GNAT3: variants seen among roughly 807,000 people sequenced by gnomAD.
GNAT3 encodes the protein G protein subunit alpha transducin 3, also known as guanine nucleotide-binding protein G(t) subunit alpha-3.
In GNAT3, 31 loss-of-function variants were observed where a neutral mutation model predicts 37.7. The observed-to-expected ratio is 0.82, with a 90% CI of 0.62 to 1.11. The LOEUF is 1.11. GNAT3 is among the 50% of genes most tolerant of loss of function. The probability of loss-of-function intolerance (pLI) is 0.00; values close to 1 mark genes in which losing one functional copy is unlikely to be tolerated. For missense variants in GNAT3, 437 were observed against 412.5 expected, an observed-to-expected ratio of 1.06 and a Z score of -0.51; for synonymous variants, 138 against 139.8, an observed-to-expected ratio of 0.99 and a Z score of 0.09.
At chr7:80,465,540 G>A (rs928285634) in intron 5 of GNAT3, among the ~76,000 whole-genome samples, 6 of 152,200 alleles carry the variant, frequency 3.9e-5, no homozygotes, top group East Asian at 1.9e-4. Context: ...CTGGCACCAC[G>A]ATAGGTTCGA....
At chr7:80,484,833 C>T (rs1374463681) in intron 3 of GNAT3, among the ~76,000 whole-genome samples, 1 of 151,970 alleles carries the variant, frequency 6.6e-6, no homozygotes, top group East Asian at 1.9e-4. Flanking sequence ...ACTACATATC[C>T]CATCTCTCTC....
chr7:80,494,456 G>T, intron 2 of GNAT3, 149 bp downstream of exon 2: 1 of 535,888 alleles, frequency 1.9e-6, no homozygotes, highest in Non-Finnish European at 3.4e-6. Flanking sequence ...AAGGATACAA[G>T]GTATATTTGC....
At chr7:80,500,152 C>G (rs151239351) in intron 1 of GNAT3, among the ~76,000 whole-genome samples, 1 of 151,874 alleles carries the variant, frequency 6.6e-6, no homozygotes, top group Non-Finnish European at 1.5e-5. Context: ...CATTCTGCCA[C>G]CTAGACCTGC....
At chr7:80,484,550 C>T (rs923331219) in intron 3 of GNAT3, among the ~76,000 whole-genome samples, 2 of 151,952 alleles carry the variant, frequency 1.3e-5, no homozygotes, top group East Asian at 3.9e-4. Context: ...AAAAGTGTTA[C>T]AATTTTCAGC....
intron 3 of GNAT3, among the ~76,000 whole-genome samples, chr7:80,484,343 G>C (rs368573380): frequency 1.3e-3 from 193 of 152,122 alleles, no homozygotes; most frequent in South Asian, 8.9e-3. Flanking sequence ...GTGGCTACTC[G>C]GTTTTCAGAA....
intron 2 of GNAT3, among the ~76,000 whole-genome samples, chr7:80,493,253 T>A (rs1790628545): frequency 6.6e-6 from 1 of 152,092 alleles, no homozygotes; most frequent in South Asian, 2.1e-4. Flanking sequence ...AGCAGGCAGA[T>A]ACTGTGGAAA....
At chr7:80,504,009 A>G (rs1014446334) in intron 1 of GNAT3, among the ~76,000 whole-genome samples, 1 of 152,212 alleles carries the variant, frequency 6.6e-6, no homozygotes, top group Non-Finnish European at 1.5e-5. Context: ...AGGACTGTTT[A>G]GTTCAGACTT....
At chr7:80,504,189 G>A (rs1212032115) in intron 1 of GNAT3, among the ~76,000 whole-genome samples, 1 of 152,046 alleles carries the variant, frequency 6.6e-6, no homozygotes, top group Non-Finnish European at 1.5e-5. Flanking sequence ...GGTGGCACAC[G>A]CCTGTAGTCC....
At chr7:80,459,344 CG>C (rs1790010622) in intron 7 of GNAT3, among the ~76,000 whole-genome samples, 1 of 151,930 alleles carries the variant, frequency 6.6e-6, no homozygotes, top group African/African-American at 2.4e-5. Context: ...AGGGTAGGGT[CG>C]GGAAACAGAC....
chr7:80,489,651 T>C (rs891296169), intron 2 of GNAT3, among the ~76,000 whole-genome samples: 3 of 152,148 alleles, frequency 2.0e-5, no homozygotes, highest in Admixed American at 6.6e-5. Flanking sequence ...TTTTTTATAT[T>C]TGATTACAAA....
Position 80,474,369 on chromosome 7 carries a change from C to A in GNAT3, c.472G>T (p.Asp158Tyr), listed in dbSNP as rs1339711029. ...CCAGATGCTGTTATTCTATCTAAAT[C>A]ATTAAGGTAGCTAATAAAGACAAAA... The part of the protein sequence containing the change: ...LNDSAAYYLN[D>Y]LDRITASGYV... The change falls in exon 5 of 8, where the codon GAT becomes TAT. Residue 158 changes from aspartate to tyrosine, a missense_variant. By Grantham distance (160) the Asp-to-Tyr change is radical. Transcript: ENST00000398291. 6.5e-7 allele frequency: 1 copy of A among 1,530,320 alleles called. No individual in the cohort carries two copies. The highest frequency in any genetic ancestry group is 2.0e-5 in the Admixed American group (1 of 49,894). The allele number at this position is 1,530,320 out of a possible 1,614,324, so 94.8% of individuals were successfully genotyped here. A position where few individuals can be genotyped will look rare whatever the true frequency, so the allele number is the denominator to read the frequency against.
chr7:80,484,620 A>G (rs1790445966), intron 3 of GNAT3, among the ~76,000 whole-genome samples: 1 of 152,110 alleles, frequency 6.6e-6, no homozygotes, highest in South Asian at 2.1e-4. Context: ...AATAATATTC[A>G]AAAGGATAAG....
At chr7:80,469,460 A>G (rs1380085992) in intron 5 of GNAT3, among the ~76,000 whole-genome samples, 1 of 152,152 alleles carries the variant, frequency 6.6e-6, no homozygotes, top group South Asian at 2.1e-4. Context: ...TTCCACTTAC[A>G]TAGTACATTA....
intron 1 of GNAT3, among the ~76,000 whole-genome samples, chr7:80,497,609 T>C (rs550183447): frequency 2.2e-4 from 26 of 116,356 alleles, no homozygotes; most frequent in Admixed American, 4.7e-4. Flanking sequence ...TACATATACG[T>C]ATATACATAT....
intron 3 of GNAT3, among the ~76,000 whole-genome samples, chr7:80,485,170 G>T (rs372878546): frequency 2.7e-5 from 4 of 146,578 alleles, no homozygotes; most frequent in African/African-American, 7.5e-5. Context: ...AATATTGTGT[G>T]TTTTTTTTTT....
At chr7:80,474,462 C>CATAT (rs151055526) in intron 4 of GNAT3, 83 bp from the exon 5 acceptor site, 1 of 561,480 alleles carries the variant, frequency 1.8e-6, no homozygotes, top group African/African-American at 2.0e-5. Context: ...CACATACATA[C>CATAT]ATATATATGT....
chr7:80,493,465 G>A (rs1790632579), intron 2 of GNAT3, among the ~76,000 whole-genome samples: 2 of 152,262 alleles, frequency 1.3e-5, no homozygotes, highest in African/African-American at 2.4e-5. Flanking sequence ...GGAAAACAGT[G>A]TCTTAGATTG....
rs375365393 is a variant in GNAT3, at chr7:80,474,237, A to T, written c.590+14T>A. On this transcript the variant is annotated intron_variant, in intron 5 of 7. Transcript: ENST00000398291. Reference sequence around the variant, plus strand: ...ATACTTCTGTCTACAGTTAGAAAAGATATTTGATCATACCTGAAGTGCAAG... The same window carrying T: ...ATACTTCTGTCTACAGTTAGAAAAGTTATTTGATCATACCTGAAGTGCAAG... 60 of 1,602,328 alleles carry T rather than the reference A, an allele frequency of 3.7e-5. No homozygotes were observed. The African/African-American group carries it at 7.9e-4, about 21-fold the overall frequency.
intron 5 of GNAT3, among the ~76,000 whole-genome samples, chr7:80,471,154 A>C (rs1219121874): frequency 2.0e-5 from 3 of 150,302 alleles, no homozygotes; most frequent in Non-Finnish European, 3.0e-5. Flanking sequence ...CTGAGGCGGA[A>C]GAAAGATGTA....
Sources: allele counts gnomAD v4.1 joint callset (sites outside exome capture counted in the v4.1 genomes callset), GRCh38; gene constraint gnomAD v4.1.1; transcripts MANE v1.5; gene names NCBI Gene and HGNC (gene_info 2026-07-23, HGNC 2026-07-21).